ATP8B3: variants seen among roughly 807,000 people sequenced by gnomAD.
The protein encoded by ATP8B3 is phospholipid-transporting ATPase IK.
A neutral mutation model predicts 140.9 loss-of-function variants in ATP8B3; 141 were observed. The ratio of observed to expected loss-of-function variants is 1.00; its 90% CI spans 0.87 to 1.15. ATP8B3 has a LOEUF of 1.15. Among genes scored for constraint, ATP8B3 ranks in the 50% most tolerant of loss-of-function variants. ATP8B3 has a pLI of 0.00. For synonymous variants in ATP8B3, 765 were observed against 714.6 expected (o/e 1.07, Z -1.13); for missense variants, 1,874 against 1,740.6 (o/e 1.08, Z -1.36).
At chr19:1,790,716 C>A in intron 21 of ATP8B3, 41 bp downstream of exon 21, 2 of 1,516,332 alleles carry the variant, frequency 1.3e-6, no homozygotes, top group Middle Eastern at 1.7e-4. Context: ...GTCCTCACCT[C>A]CCCACTCCCC....
rs534959073 is a variant in ATP8B3, at chr19:1,787,198, G to A, written c.3070-12C>T. On this transcript the variant is annotated splice_polypyrimidine_tract_variant and intron_variant, in intron 24 of 28. Transcript: ENST00000310127. ...CCTTCATACAGGGGCTGAGCCGGGG[G>A]AGAAGGGCAAGGAGAACAAGTCAGC... 2.4e-5 allele frequency: 38 copies of A among 1,601,462 alleles called. No individual in the cohort carries two copies. The East Asian group carries it at 8.1e-4, about 34-fold the overall frequency.
chr19:1,784,091 G>A (rs980143610), intron 28 of ATP8B3, among the ~76,000 whole-genome samples: 2 of 152,226 alleles, frequency 1.3e-5, no homozygotes, highest in Non-Finnish European at 2.9e-5. Flanking sequence ...TTGCACAGAT[G>A]GAGCGTGCCG....
At chr19:1,808,403 G>A in intron 4 of ATP8B3, 68 bp from the exon 5 acceptor site, 1 of 1,199,398 alleles carries the variant, frequency 8.3e-7, no homozygotes, top group South Asian at 1.3e-5. Context: ...GGGTGCCCGA[G>A]GCCAGACCTG....
chr19:1,784,211 C>T (rs566580535), intron 28 of ATP8B3, among the ~76,000 whole-genome samples: 19 of 152,300 alleles, frequency 1.2e-4, no homozygotes, highest in Admixed American at 4.6e-4. Context: ...AGATCATTCA[C>T]GGTAGAATCT....
At chr19:1,797,078 T>C (rs1273581487) in intron 14 of ATP8B3, 73 bp from the exon 15 acceptor site, 1 of 1,601,460 alleles carries the variant, frequency 6.2e-7, no homozygotes, top group Non-Finnish European at 8.5e-7. Context: ...CCCTGACCCC[T>C]AGTTTCAGGC....
Position 1,782,217 on chromosome 19 carries a change from C to A in ATP8B3, c.*811G>T. 2 of 291,584 alleles carry A rather than the reference C, an allele frequency of 6.9e-6. No homozygotes were observed. The allele number at this position is 291,584 out of a possible 1,614,324, so 18.1% of individuals were successfully genotyped here. A position where few individuals can be genotyped will look rare whatever the true frequency, so the allele number is the denominator to read the frequency against. ...TTCTTCTTCCCAGGAAGGACATCTT[C>A]CTGATATGCCAGCGTGACTCCTTTG... On this transcript the variant is annotated 3_prime_UTR_variant, in exon 29 of 29. Transcript: ENST00000310127.
chr19:1,790,890 G>T (rs1600411118), intron 20 of ATP8B3, 58 bp from the exon 21 acceptor site: 1 of 1,479,038 alleles, frequency 6.8e-7, no homozygotes, highest in Non-Finnish European at 9.2e-7. Flanking sequence ...CTGCCTGGGG[G>T]CCACGCCCAC....
At chr19:1,787,003 G>C (rs778284503) in intron 25 of ATP8B3, 100 bp downstream of exon 25, 9 of 1,180,256 alleles carry the variant, frequency 7.6e-6, no homozygotes, top group Non-Finnish European at 1.1e-5. Context: ...CCCATGGCCT[G>C]AAGGTCTCCC....
Position 1,789,453 on chromosome 19 carries a change from T to C in ATP8B3, c.2753A>G (p.Gln918Arg). ...GACCAGGGCCACGATCAGGGCCTTC[T>C]GCTTGGGCGTCACGCGGCAGCAGAT... Reference protein sequence around the residue: ...AVICCRVTPKQKALIVALVKK... With the variant: ...AVICCRVTPKRKALIVALVKK... Residue 918 changes from glutamine (Q) to arginine (R), a missense_variant, in exon 23 of 29, where the codon CAG becomes CGG. Around this residue, in one of 3 missense-constraint regions of ATP8B3, gnomAD observed 840 missense variants for 760.9 expected, o/e 1.10. Transcript: ENST00000310127. 1 of 1,597,746 alleles carries C rather than the reference T, an allele frequency of 6.3e-7. No individual in the cohort carries two copies. Among genetic ancestry groups the C allele is most frequent in the Non-Finnish European group, 8.5e-7 (1 of 1,178,984 alleles).
At chr19:1,802,066 T>TCCAC (rs777111849) in intron 11 of ATP8B3, 22 bp from the exon 12 acceptor site, 22 of 1,523,876 alleles carry the variant, frequency 1.4e-5, no homozygotes, top group East Asian at 9.8e-5. Flanking sequence ...TATCCATCTA[T>TCCAC]CCACCCACCC....
rs769844217 is a variant in ATP8B3 at position 1,810,598 on chromosome 19, G to T, written c.310+24C>A. On this transcript the variant is annotated intron_variant, in intron 3 of 28. Transcript: ENST00000310127. ...CTTCATAATCCCTCCCACCTGCACCGCCCCCTCTGCCCAGGATCAGCACCT... is the reference window on the plus strand; with the variant it reads ...CTTCATAATCCCTCCCACCTGCACCTCCCCCTCTGCCCAGGATCAGCACCT... 49 of 1,607,654 alleles carry T rather than the reference G, an allele frequency of 3.0e-5. No homozygotes were observed. In the South Asian group the frequency reaches 4.9e-4, roughly 16 times the overall value.
At chr19:1,785,743 GGGGC>G in intron 25 of ATP8B3, 35 bp from the exon 26 acceptor site, 1 of 1,199,212 alleles carries the variant, frequency 8.3e-7, no homozygotes, top group Non-Finnish European at 1.2e-6. Flanking sequence ...GATTGGGTGG[GGGGC>G]GGGGGACACC....
At position 1,787,187 on chromosome 19, in the gene ATP8B3, C is replaced by T; in HGVS notation, c.3070-1G>A. ...CCAGGAACCATCCTTCATACAGGGG[C>T]TGAGCCGGGGGAGAAGGGCAAGGAG... On this transcript the variant is annotated splice_acceptor_variant, in intron 24 of 28. Coordinates refer to ENST00000310127, the MANE Select transcript of ATP8B3 (RefSeq NM_138813.4). LOFTEE classifies it high-confidence loss of function. The T allele has an allele frequency of 6.2e-7, 1 of 1,607,796 alleles. No individual in the cohort carries two copies. The highest frequency in any genetic ancestry group is 8.5e-7 in the Non-Finnish European group (1 of 1,176,784).
rs766054325 is a variant in ATP8B3 at position 1,789,881 on chromosome 19, G to A, written c.2478+9C>T. 2 of 1,610,130 alleles carry A rather than the reference G, an allele frequency of 1.2e-6. No individual in the cohort carries two copies. The highest frequency in any genetic ancestry group is 3.3e-5 in the Admixed American group (2 of 59,956). On this transcript the variant is annotated intron_variant, in intron 22 of 28. Coordinates refer to ENST00000310127, the MANE Select transcript of ATP8B3 (RefSeq NM_138813.4). ...CGGGACCCCGCCGTCCACCCTGAGC[G>A]ACACTGACCAGGAAGTCTCCGTTAA...
At position 1,787,282 on chromosome 19, in the gene ATP8B3, ACT is replaced by A. The variant is rs1317571047; in HGVS notation, c.3070-98_3070-97del. The A allele has an allele frequency of 8.8e-6, 9 of 1,023,462 alleles. No homozygotes were observed. The Admixed American group carries it at 1.7e-4, about 20-fold the overall frequency. The allele number at this position is 1,023,462 out of a possible 1,614,324, so 63.4% of individuals were successfully genotyped here. ...CCCAGGGAGGGTTCTGGGTGAGGTA[ACT>A]CTGGTCGAGTTACACTCAAGGTTGG... On this transcript the variant is annotated intron_variant, in intron 24 of 28. Coordinates refer to ENST00000310127, the MANE Select transcript of ATP8B3 (RefSeq NM_138813.4).
chr19:1,810,465 C>G (rs376694730), intron 3 of ATP8B3, among the ~76,000 whole-genome samples, 157 bp downstream of exon 3: 1 of 152,172 alleles, frequency 6.6e-6, no homozygotes, highest in African/African-American at 2.4e-5. Flanking sequence ...CGGGGTTTCT[C>G]CATGTTGCCC....
chr19:1,808,353 G>C lies in ATP8B3; in HGVS notation c.403-18C>G. 1.3e-6 allele frequency: 2 copies of C among 1,594,838 alleles called. No homozygotes were observed. Among genetic ancestry groups the C allele is most frequent in the Non-Finnish European group, 1.7e-6 (2 of 1,166,446 alleles). Reference sequence around the variant, plus strand: ...ACATTGGTCTGGAACGAGAGCCGCGGGCTGCCTGGCAGAGGGGTGCCATCC... The same window carrying C: ...ACATTGGTCTGGAACGAGAGCCGCGCGCTGCCTGGCAGAGGGGTGCCATCC... On this transcript the variant is annotated intron_variant, in intron 4 of 28. Coordinates refer to ENST00000310127, the MANE Select transcript of ATP8B3 (RefSeq NM_138813.4).
rs1029665906 is a variant in ATP8B3 at position 1,806,628 on chromosome 19, C to A, written c.677G>T (p.Ser226Ile). 3.5e-5 allele frequency: 54 copies of A among 1,557,690 alleles called. No homozygotes were observed. The highest frequency in any genetic ancestry group is 4.5e-5 in the Non-Finnish European group (52 of 1,150,990). Residue 226 changes from serine (S) to isoleucine (I), a missense_variant and splice_region_variant, in exon 7 of 29, where the codon AGC (serine) becomes ATC (isoleucine). This residue lies in a region of ATP8B3 where 1,032 missense variants were observed against 963.6 expected (regional missense o/e 1.07). Transcript: ENST00000310127. The surrounding 1 kb of genome is among the most constrained non-coding windows in gnomAD (Gnocchi z 5.6). Reference sequence around the variant, plus strand: ...TCCCCAGCTGCAGCCCCAGCCTCACCTCTTCCCCATCAGAATCTGGCAGGG... The same window carrying A: ...TCCCCAGCTGCAGCCCCAGCCTCACATCTTCCCCATCAGAATCTGGCAGGG... ...NRPCQILMGK[S>I]FKQKKWQDLC...
chr19:1,782,742 A>T lies in ATP8B3; in HGVS notation c.*286T>A. ...AGTGATTTCTCCTGAAAAGAATGTG[A>T]CCTCTCCTTGGTCAACAGCAACTTC... On this transcript the variant is annotated 3_prime_UTR_variant, in exon 29 of 29. Transcript: ENST00000310127. 2.2e-6 allele frequency: 1 copy of T among 445,414 alleles called. No homozygotes were observed. The highest frequency in any genetic ancestry group is 4.1e-6 in the Non-Finnish European group (1 of 244,284). 27.6% of individuals were successfully genotyped at this position (445,414 alleles called of 1,614,324 possible). A position where few individuals can be genotyped will look rare whatever the true frequency, so the allele number is the denominator to read the frequency against.
Sources: gnomAD v4.1 joint callset for allele counts (sites outside exome capture counted in the v4.1 genomes callset) on GRCh38, gnomAD v4.1.1 for gene constraint, gnomAD v4.1.1 regional missense constraint, Gnocchi (gnomAD v3.1) non-coding constraint, MANE v1.5 for transcripts, NCBI Gene and HGNC (gene_info 2026-07-23, HGNC 2026-07-21) for gene names.